Variants in HDAC9 observed in about 807,000 individuals in gnomAD.
HDAC9 encodes histone deacetylase 9, also known as MEF-2 interacting transcription repressor (MITR) protein.
A neutral mutation model predicts 139.4 loss-of-function variants in HDAC9; 41 were observed. The observed-to-expected ratio is 0.29, with a 90% confidence interval of 0.23 to 0.38. HDAC9 has a LOEUF of 0.38. HDAC9 is among the 10% of genes least tolerant of loss of function. The probability of loss-of-function intolerance (pLI) is 1.00; values close to 1 mark genes in which losing one functional copy is unlikely to be tolerated. For synonymous variants in HDAC9, 517 were observed against 476.2 expected, an observed-to-expected ratio of 1.09 and a Z score of -1.12; for missense variants, 1,147 against 1,297.0, an observed-to-expected ratio of 0.88 and a Z score of 1.78.
chr7:18,795,257 T>TAAAAAAAAAAAAAAAAAAAAAAA (rs5882676), intron 17 of HDAC9, among the ~76,000 whole-genome samples: 7 of 65,482 alleles, frequency 1.1e-4, no homozygotes, highest in East Asian at 5.3e-4. Flanking sequence ...AAGAAAACAG[T>TAAAAAAAAAAAAAAAAAAAAAAA]AAAAAAAAAA....
chr7:18,459,144 T>C (rs1793613980), intron 1 of HDAC9, among the ~76,000 whole-genome samples: 1 of 152,126 alleles, frequency 6.6e-6, no homozygotes, highest in Non-Finnish European at 1.5e-5. Context: ...ATTAGACATA[T>C]CTTGGGGTCT....
rs537604041 is a variant in HDAC9 at position 18,809,461 on chromosome 7, T to C, written c.2322+16009T>C. On this transcript the variant is annotated intron_variant, in intron 17 of 25. Coordinates refer to ENST00000686413, the MANE Select transcript of HDAC9 (RefSeq NM_178425.4). The stretch of plus-strand genomic sequence containing the variant: ...ATATGATAAGAGGTTAATGTCCACA[T>C]TATATAAGAAATTCATACAACTCAA... Among the ~76,000 whole-genome samples the C allele has an allele frequency of 2.0e-5, 3 of 152,034 alleles. No individual in the cohort carries two copies. The South Asian group carries it at 6.2e-4, about 32-fold the overall frequency.
upstream of HDAC9, among the ~76,000 whole-genome samples, chr7:18,286,043 C>G (rs1424942081): frequency 1.3e-5 from 2 of 152,070 alleles, no homozygotes; most frequent in East Asian, 3.8e-4. Flanking sequence ...TAAACATTTG[C>G]TTTTGTAGTC....
chr7:18,890,205 T>C (rs2129268201), intron 22 of HDAC9, among the ~76,000 whole-genome samples: 1 of 152,344 alleles, frequency 6.6e-6, no homozygotes, highest in South Asian at 2.1e-4. Flanking sequence ...ATCATGTCCA[T>C]GTGCCTCAAA....
In HDAC9 at chr7:18,539,039, G is replaced by T. The variant is rs117620945; in HGVS notation, c.22+42715G>T. Among the ~76,000 whole-genome samples the T allele has an allele frequency of 3.3e-3, 509 of 152,142 alleles. 8 individuals are homozygous for T. The East Asian group carries it at 0.039, about 12-fold the overall frequency. On this transcript the variant is annotated intron_variant, in intron 2 of 25. Coordinates refer to ENST00000686413, the MANE Select transcript of HDAC9 (RefSeq NM_178425.4). Reference sequence around the variant, plus strand: ...TCCACCATGGGGCCTCTACCCTGATGACCTTATCTCATCTTAATTACCTCC... The same window carrying T: ...TCCACCATGGGGCCTCTACCCTGATTACCTTATCTCATCTTAATTACCTCC...
At chr7:18,430,277 G>T (rs1790522226) in intron 1 of HDAC9, among the ~76,000 whole-genome samples, 1 of 152,118 alleles carries the variant, frequency 6.6e-6, no homozygotes. Context: ...AGGCTGGAGT[G>T]CATTAGCAAA....
At chr7:18,789,286 G>GCGCA (rs146066951) in intron 16 of HDAC9, among the ~76,000 whole-genome samples, 3,031 of 148,478 alleles carry the variant, frequency 0.02, 35 homozygotes, top group Non-Finnish European at 0.031. Context: ...ACACATACAC[G>GCGCA]CACACACACA....
chr7:18,873,619 A>T (rs968650267), intron 21 of HDAC9, among the ~76,000 whole-genome samples: 2 of 152,168 alleles, frequency 1.3e-5, no homozygotes, highest in Non-Finnish European at 2.9e-5. Flanking sequence ...ACCACACAAG[A>T]GTGATTGTAC....
intron 1 of HDAC9, among the ~76,000 whole-genome samples, chr7:18,109,092 C>T (rs968162484): frequency 4.6e-5 from 7 of 152,144 alleles, no homozygotes; most frequent in Non-Finnish European, 8.8e-5. Context: ...GTGAAGACTT[C>T]CTGGGGAAAG....
intron 22 of HDAC9, among the ~76,000 whole-genome samples, chr7:18,899,805 C>A (rs1215736312): frequency 2.0e-5 from 3 of 151,962 alleles, no homozygotes; most frequent in Non-Finnish European, 4.4e-5. Context: ...CTAATCACAT[C>A]TAACTTTTAA....
chr7:18,962,449 A>G (rs1783586737), intron 24 of HDAC9, among the ~76,000 whole-genome samples: 1 of 152,124 alleles, frequency 6.6e-6, no homozygotes. Context: ...GCGCCCTAAT[A>G]CTAGAATGTA....
intron 22 of HDAC9, chr7:18,899,390 TTTA>T (rs1423638499): frequency 6.6e-6 from 1 of 151,996 alleles, no homozygotes. Context: ...TGTCTTCTTT[TTTA>T]TTATCTTTTC....
chr7:18,640,961 A>G (rs912874203), intron 8 of HDAC9, among the ~76,000 whole-genome samples: 5 of 152,076 alleles, frequency 3.3e-5, no homozygotes, highest in Non-Finnish European at 5.9e-5. Context: ...GGTATACAGA[A>G]TAATTATTTT....
intron 2 of HDAC9, among the ~76,000 whole-genome samples, chr7:18,549,802 A>G (rs1373621380): frequency 1.3e-5 from 2 of 151,766 alleles, no homozygotes; most frequent in African/African-American, 4.8e-5. Context: ...ACCCACACAT[A>G]CACACAGTTT....
Position 18,772,080 on chromosome 7 carries a change from C to T in HDAC9, c.2214+4925C>T, listed in dbSNP as rs1790344306. 2.6e-5 allele frequency among the ~76,000 whole-genome samples: 4 copies of T among 152,160 alleles called. No individual in the cohort carries two copies. In the South Asian group the frequency reaches 8.3e-4, roughly 32 times the overall value. On this transcript the variant is annotated intron_variant, in intron 16 of 25. Coordinates refer to ENST00000686413, the MANE Select transcript of HDAC9 (RefSeq NM_178425.4). Reference sequence around the variant, plus strand: ...TGGGCTGGTTCAGAAAAATGCTAAGCTATGAGAGCACAGAGAAGGAAGCTT... The same window carrying T: ...TGGGCTGGTTCAGAAAAATGCTAAGTTATGAGAGCACAGAGAAGGAAGCTT...
intron 13 of HDAC9, among the ~76,000 whole-genome samples, chr7:18,746,097 C>A (rs1340125563): frequency 6.6e-6 from 1 of 151,258 alleles, no homozygotes; most frequent in African/African-American, 2.4e-5. Flanking sequence ...TTTCAAATTC[C>A]TGGGCTCAAG....
At chr7:18,408,896 G>A (rs1307824535) in intron 1 of HDAC9, among the ~76,000 whole-genome samples, 5 of 152,246 alleles carry the variant, frequency 3.3e-5, no homozygotes, top group African/African-American at 9.6e-5. Context: ...TAGAAAAGGC[G>A]CAGATTAAAT....
chr7:18,398,537 C>T (rs1787259205), intron 1 of HDAC9, among the ~76,000 whole-genome samples: 1 of 151,856 alleles, frequency 6.6e-6, no homozygotes, highest in African/African-American at 2.4e-5. Context: ...AACCTGGAAA[C>T]ATTGTGATGG....
chr7:18,833,603 G>A (rs1796014654), intron 19 of HDAC9, among the ~76,000 whole-genome samples: 1 of 151,936 alleles, frequency 6.6e-6, no homozygotes, highest in African/African-American at 2.4e-5. Context: ...TAGTTTTTTT[G>A]TCTCCTCCTT....
Sources: allele counts gnomAD v4.1 joint callset (sites outside exome capture counted in the v4.1 genomes callset), GRCh38; gene constraint gnomAD v4.1.1; transcripts MANE v1.5; gene names NCBI Gene and HGNC (gene_info 2026-07-23, HGNC 2026-07-21).